The following SERPINC1 variants were observed in gnomAD, a reference collection of about 807,000 sequenced individuals.
SERPINC1 encodes the protein serpin family C member 1, also known as antithrombin-III.
SERPINC1 carries 12 observed loss-of-function variants against 43.4 expected under a neutral mutation model. That is an observed-to-expected ratio of 0.28 (90% CI 0.18 to 0.45). SERPINC1 has a LOEUF of 0.45. Among genes scored for constraint, SERPINC1 ranks in the 20% least tolerant of loss-of-function variants. SERPINC1 has a pLI of 1.00. For missense variants in SERPINC1, 423 were observed against 578.8 expected, an observed-to-expected ratio of 0.73 and a Z score of 2.76; for synonymous variants, 210 against 218.9, an observed-to-expected ratio of 0.96 and a Z score of 0.36.
At position 173,914,899 on chromosome 1, in the gene SERPINC1, A is replaced by G; in HGVS notation, c.62T>C (p.Leu21Ser). 6.2e-7 allele frequency: 1 copy of G among 1,614,036 alleles called. No individual in the cohort carries two copies. Among genetic ancestry groups the G allele is most frequent in the Non-Finnish European group, 8.5e-7 (1 of 1,180,052 alleles). The change falls in exon 2 of 7, where the codon TTG (leucine) becomes TCG (serine). Residue 21 changes from leucine (L) to serine (S), a missense_variant. Transcript: ENST00000367698. ...SGKRKVYLLS[L>S]LLIGFWDCVT... Reference sequence around the variant, plus strand: ...GCAGTCCCAGAAGCCAATGAGCAGCAAGGACAAAAGATAAACCTTCCTGCA... The same window carrying G: ...GCAGTCCCAGAAGCCAATGAGCAGCGAGGACAAAAGATAAACCTTCCTGCA...
intron 1 of SERPINC1, among the ~76,000 whole-genome samples, chr1:173,916,137 A>T (rs2227595): frequency 0.11 from 15,991 of 152,272 alleles, 994 homozygotes; most frequent in East Asian, 0.24. Context: ...TTCACATTTT[A>T]AAAAAATGAG....
At chr1:173,905,975 G>A (rs942442575) in intron 6 of SERPINC1, among the ~76,000 whole-genome samples, 1 of 152,152 alleles carries the variant, frequency 6.6e-6, no homozygotes, top group Non-Finnish European at 1.5e-5. Context: ...CTCTGAGTTT[G>A]ATCCCTGGAT....
chr1:173,907,340 T>C lies in SERPINC1; in HGVS notation c.1218+110A>G, dbSNP rs935584538. ...GGAGAGGGCTGTATTATAGCAGGCCTGTGGAGGCCTTTTGCATGCCTTAAC... is the reference window on the plus strand; with the variant it reads ...GGAGAGGGCTGTATTATAGCAGGCCCGTGGAGGCCTTTTGCATGCCTTAAC... On this transcript the variant is annotated intron_variant, in intron 6 of 6. Transcript: ENST00000367698. 12 of 844,832 alleles carry C rather than the reference T, an allele frequency of 1.4e-5. No individual in the cohort carries two copies. The East Asian group carries it at 2.7e-4, about 19-fold the overall frequency. 52.3% of individuals were successfully genotyped at this position (844,832 alleles called of 1,614,324 possible). A position where few individuals can be genotyped will look rare whatever the true frequency, so the allele number is the denominator to read the frequency against.
rs771146323 is a variant in SERPINC1 at position 173,917,264 on chromosome 1, G to A, written c.-5C>T. 6.8e-6 allele frequency: 11 copies of A among 1,613,652 alleles called. No individual in the cohort carries two copies. Among genetic ancestry groups the A allele is most frequent in the Non-Finnish European group, 9.3e-6 (11 of 1,179,780 alleles). On this transcript the variant is annotated 5_prime_UTR_variant, in exon 1 of 7. Coordinates refer to ENST00000367698, the MANE Select transcript of SERPINC1 (RefSeq NM_000488.4). The stretch of plus-strand genomic sequence containing the variant: ...TCCTATCACATTGGAATACATGGCC[G>A]CTAATCTTCCACAGGGCTGGGCAAG...
At chr1:173,912,895 A>T (rs933584285) in intron 2 of SERPINC1, among the ~76,000 whole-genome samples, 6 of 152,168 alleles carry the variant, frequency 3.9e-5, no homozygotes, top group African/African-American at 1.2e-4. Flanking sequence ...GGACAGAGAC[A>T]TGAGTGATAT....
rs1389357802 is a variant in SERPINC1, at chr1:173,911,982, T to A, written c.441A>T (p.Thr147=). Reference sequence around the variant, plus strand: ...CAAAGAAGAAGTGGATCTGATCAGATGTTTTCTCAGATATGGTGTCAAACT... The same window carrying A: ...CAAAGAAGAAGTGGATCTGATCAGAAGTTTTCTCAGATATGGTGTCAAACT... ...VFKFDTISEK[T]SDQIHFFFAK... is the part of the protein sequence containing the mutation. The change falls in exon 3 of 7, where the codon ACA becomes ACT. Residue 147 remains threonine (T), a synonymous_variant. Coordinates refer to ENST00000367698, the MANE Select transcript of SERPINC1 (RefSeq NM_000488.4). The A allele has an allele frequency of 6.2e-7, 1 of 1,614,128 alleles. No homozygotes were observed. Among genetic ancestry groups the A allele is most frequent in the Admixed American group, 1.7e-5 (1 of 60,016 alleles).
chr1:173,912,436 GA>G (rs1369117779), intron 2 of SERPINC1, among the ~76,000 whole-genome samples: 1 of 152,160 alleles, frequency 6.6e-6, no homozygotes, highest in Non-Finnish European at 1.5e-5. Flanking sequence ...GGTGAAAAAG[GA>G]AGAGTGAATC....
intron 1 of SERPINC1, among the ~76,000 whole-genome samples, chr1:173,916,791 C>T (rs1425065293): frequency 6.6e-6 from 1 of 151,978 alleles, no homozygotes; most frequent in Non-Finnish European, 1.5e-5. Context: ...AGTCAAAGGT[C>T]ACTGGGATTT....
intron 5 of SERPINC1, among the ~76,000 whole-genome samples, chr1:173,908,018 A>AATAATAATAAT (rs1557901550): frequency 1.4e-5 from 2 of 138,646 alleles, no homozygotes; most frequent in East Asian, 4.1e-4. Flanking sequence ...TAATAATAAT[A>AATAATAATAAT]ATAATAATAA....
chr1:173,911,770 GGA>G (rs1557903054), intron 3 of SERPINC1, 27 bp downstream of exon 3: 1 of 1,548,096 alleles, frequency 6.5e-7, no homozygotes, highest in Non-Finnish European at 8.9e-7. Context: ...GGAAGAACTC[GGA>G]GGTCAGGGGT....
intron 1 of SERPINC1, 73 bp from the exon 2 acceptor site, chr1:173,914,992 CAGTAA>C: frequency 1.3e-6 from 2 of 1,566,714 alleles, no homozygotes; most frequent in Non-Finnish European, 1.7e-6. Flanking sequence ...AGGGTTGCCC[CAGTAA>C]AGCAGAGGAT....
chr1:173,909,915 C>T lies in SERPINC1; in HGVS notation c.790G>A (p.Glu264Lys). ...KGLWKSKFSP[E>K]NTRKELFYKA... The stretch of plus-strand genomic sequence containing the variant: ...TAGAACAGTTCCTTCCTTGTGTTCT[C>T]AGGGCTGAACTTTGACTTCCACAGG... The change falls in exon 5 of 7, where the codon GAG (glutamate) becomes AAG (lysine). Residue 264 changes from glutamate to lysine, a missense_variant. Coordinates refer to ENST00000367698, the MANE Select transcript of SERPINC1 (RefSeq NM_000488.4). 6.2e-7 allele frequency: 1 copy of T among 1,614,190 alleles called. No individual in the cohort carries two copies. The highest frequency in any genetic ancestry group is 8.5e-7 in the Non-Finnish European group (1 of 1,180,048).
chr1:173,908,647 A>G (rs1044356505), intron 5 of SERPINC1, among the ~76,000 whole-genome samples: 2 of 151,842 alleles, frequency 1.3e-5, no homozygotes, highest in African/African-American at 4.8e-5. Flanking sequence ...CACAGCGTTG[A>G]CCTCCCGGAC....
chr1:173,916,064 T>C (rs1657976763), intron 1 of SERPINC1, among the ~76,000 whole-genome samples: 2 of 152,202 alleles, frequency 1.3e-5, no homozygotes, highest in African/African-American at 4.8e-5. Context: ...TCTCATCCCT[T>C]TTTATTGCCT....
At chr1:173,905,704 G>C (rs1657473090) in intron 6 of SERPINC1, among the ~76,000 whole-genome samples, 1 of 149,548 alleles carries the variant, frequency 6.7e-6, no homozygotes, top group Non-Finnish European at 1.5e-5. Flanking sequence ...CTAGGCGAGA[G>C]AGCAAGACTC....
chr1:173,914,804 A>C lies in SERPINC1; in HGVS notation c.157T>G (p.Cys53Gly). ...KPRDIPMNPM[C>G]IYRSPEKKAT... The stretch of plus-strand genomic sequence containing the variant: ...TTCTTCTCCGGGGAGCGGTAAATGC[A>C]CATGGGATTCATGGGAATGTCCCGC... The change falls in exon 2 of 7, where the codon TGC becomes GGC. Residue 53 changes from cysteine (C) to glycine (G), a missense_variant. By Grantham distance (159) the Cys-to-Gly change is radical. Transcript: ENST00000367698. 1 of 1,614,142 alleles carries C rather than the reference A, an allele frequency of 6.2e-7. No homozygotes were observed. Among genetic ancestry groups the C allele is most frequent in the Non-Finnish European group, 8.5e-7 (1 of 1,179,972 alleles).
In SERPINC1 at chr1:173,914,829, C is replaced by T. The variant is rs774506712; in HGVS notation, c.132G>A (p.Pro44=). The change falls in exon 2 of 7, where the codon CCG becomes CCA. Residue 44 remains proline (P), a synonymous_variant. Coordinates refer to ENST00000367698, the MANE Select transcript of SERPINC1 (RefSeq NM_000488.4). ...ACATGGGATTCATGGGAATGTCCCG[C>T]GGCTTGGCTGTGCAGATGTCCACAG... ...GSPVDICTAK[P]RDIPMNPMCI... 4.0e-5 allele frequency: 64 copies of T among 1,614,096 alleles called. No individual in the cohort carries two copies. The highest frequency in any genetic ancestry group is 6.6e-5 in the South Asian group (6 of 91,076).
Position 173,903,815 on chromosome 1 carries a change from G to A in SERPINC1, c.*74C>T. 3.1e-6 allele frequency: 4 copies of A among 1,272,850 alleles called. No homozygotes were observed. The highest frequency in any genetic ancestry group is 2.3e-5 in the East Asian group (1 of 43,242). 78.8% of individuals were successfully genotyped at this position (1,272,850 alleles called of 1,614,324 possible). A position where few individuals can be genotyped will look rare whatever the true frequency, so the allele number is the denominator to read the frequency against. The stretch of plus-strand genomic sequence containing the variant: ...GCAGAGTCCATTTATAATGTGAGAT[G>A]GAAGTAGTTTGTATTTATTTTTACT... On this transcript the variant is annotated 3_prime_UTR_variant, in exon 7 of 7. Coordinates refer to ENST00000367698, the MANE Select transcript of SERPINC1 (RefSeq NM_000488.4).
chr1:173,910,261 C>T (rs2102783760), intron 4 of SERPINC1, among the ~76,000 whole-genome samples: 1 of 152,236 alleles, frequency 6.6e-6, no homozygotes, highest in East Asian at 1.9e-4. Flanking sequence ...CACAAAGGAA[C>T]AGTAAATGCA....
Sources: gnomAD v4.1 joint callset for allele counts (sites outside exome capture counted in the v4.1 genomes callset) on GRCh38, gnomAD v4.1.1 for gene constraint, MANE v1.5 for transcripts, NCBI Gene and HGNC (gene_info 2026-07-23, HGNC 2026-07-21) for gene names.